NUP160: variants seen among roughly 807,000 people sequenced by gnomAD.
NUP160 encodes the protein nuclear pore complex protein Nup160.
In NUP160, 94 loss-of-function variants were observed where a neutral mutation model predicts 196.9. That is an observed-to-expected ratio of 0.48 (90% CI 0.40 to 0.57). NUP160 has a LOEUF of 0.57. Among genes scored for constraint, NUP160 ranks in the 20% least tolerant of loss-of-function variants. NUP160 has a pLI of 0.00. For synonymous variants in NUP160, 605 were observed against 619.7 expected (o/e 0.98, Z 0.35); for missense variants, 1,638 against 1,748.3 (o/e 0.94, Z 1.13).
At chr11:47,800,554 G>A (rs2097673644) in intron 23 of NUP160, among the ~76,000 whole-genome samples, 1 of 151,894 alleles carries the variant, frequency 6.6e-6, no homozygotes, top group Non-Finnish European at 1.5e-5. Context: ...CACCACGCCC[G>A]GCTAATTTTT....
intron 7 of NUP160, among the ~76,000 whole-genome samples, chr11:47,829,882 A>G (rs191999891): frequency 7.9e-4 from 121 of 152,338 alleles, no homozygotes; most frequent in Admixed American, 2.3e-3. Flanking sequence ...ATCTAATTAA[A>G]CTTAAAAGCT....
chr11:47,817,261 G>A (rs1851750151), intron 11 of NUP160, among the ~76,000 whole-genome samples: 1 of 151,824 alleles, frequency 6.6e-6, no homozygotes, highest in African/African-American at 2.4e-5. Flanking sequence ...TGGGATTACA[G>A]GTGTGAGTCA....
chr11:47,815,057 C>T (rs1261565310), intron 13 of NUP160: 1 of 152,234 alleles, frequency 6.6e-6, no homozygotes, highest in Non-Finnish European at 1.5e-5. Context: ...ATGATGAAAC[C>T]CCACCTCTAC....
intron 11 of NUP160, among the ~76,000 whole-genome samples, chr11:47,816,602 T>C (rs572298387): frequency 6.6e-6 from 1 of 151,908 alleles, no homozygotes; most frequent in Non-Finnish European, 1.5e-5. Context: ...TGGCAAAACC[T>C]TGTCTCTACT....
chr11:47,812,858 G>A, intron 15 of NUP160, 24 bp downstream of exon 15: 10 of 1,582,236 alleles, frequency 6.3e-6, no homozygotes, highest in Non-Finnish European at 7.7e-6. Context: ...ATTAGGAAAT[G>A]CACTTTACCC....
chr11:47,825,728 C>T (rs1243612993), intron 7 of NUP160, among the ~76,000 whole-genome samples: 2 of 152,124 alleles, frequency 1.3e-5, no homozygotes, highest in East Asian at 1.9e-4. Flanking sequence ...GTTGGGATTA[C>T]AGGCATGAGC....
intron 24 of NUP160, 53 bp from the exon 25 acceptor site, chr11:47,798,315 C>G (rs2097672062): frequency 6.5e-7 from 1 of 1,534,368 alleles, no homozygotes; most frequent in Admixed American, 1.7e-5. Flanking sequence ...AATGAACATA[C>G]CACACCCACA....
At chr11:47,781,817 G>A (rs1354841583) in intron 34 of NUP160, among the ~76,000 whole-genome samples, 3 of 152,080 alleles carry the variant, frequency 2.0e-5, no homozygotes, top group African/African-American at 2.4e-5. Flanking sequence ...CCTAACTAAT[G>A]CCATATTATT....
At position 47,793,737 on chromosome 11, in the gene NUP160, T is replaced by G. The variant is rs1440239322; in HGVS notation, c.3290-791A>C. ...TAAGATATCTGTTTTTTTTTTTTTT[T>G]TTTTTTTTTTTTTTTTTTTTGAGAC... On this transcript the variant is annotated intron_variant, in intron 27 of 35. Transcript: ENST00000378460. Among the ~76,000 whole-genome samples the G allele has an allele frequency of 3.6e-5, 5 of 137,714 alleles. 1 individual carries two copies. Among genetic ancestry groups the G allele is most frequent in the African/African-American group, 5.6e-5 (2 of 35,490 alleles). 90.3% of individuals were successfully genotyped at this position (137,714 alleles called of 152,430 possible).
intron 10 of NUP160, among the ~76,000 whole-genome samples, chr11:47,818,430 T>C (rs1335260166): frequency 6.6e-6 from 1 of 152,204 alleles, no homozygotes; most frequent in Non-Finnish European, 1.5e-5. Flanking sequence ...ATTGGTGATA[T>C]ACACTGGTAA....
intron 2 of NUP160, among the ~76,000 whole-genome samples, chr11:47,845,652 C>G (rs1852387489): frequency 6.6e-6 from 1 of 152,162 alleles, no homozygotes; most frequent in Admixed American, 6.6e-5. Context: ...CCTGCTATAT[C>G]CCTGTTCCCT....
At chr11:47,804,286 T>C (rs1436126085) in intron 21 of NUP160, 5 of 347,230 alleles carry the variant, frequency 1.4e-5, no homozygotes, top group African/African-American at 1.1e-4. Context: ...TTTATTACTT[T>C]CTTTAAAAGC....
At chr11:47,785,971 C>T (rs1368401262) in intron 32 of NUP160, among the ~76,000 whole-genome samples, 1 of 152,118 alleles carries the variant, frequency 6.6e-6, no homozygotes, top group Non-Finnish European at 1.5e-5. Flanking sequence ...TTTACGTGGA[C>T]ACAAAGTGGG....
chr11:47,823,400 A>G (rs1479668253), intron 7 of NUP160, among the ~76,000 whole-genome samples: 1 of 152,074 alleles, frequency 6.6e-6, no homozygotes, highest in Non-Finnish European at 1.5e-5. Context: ...CTTTGTCTCT[A>G]TAAATTTGAC....
chr11:47,841,524 G>A, intron 2 of NUP160: 1 of 420,520 alleles, frequency 2.4e-6, no homozygotes, highest in South Asian at 2.2e-5. Context: ...GCCACCACAT[G>A]GTCCAACATG....
At chr11:47,831,842 C>CAAAAAAAAAAAAAA (rs372159602) in intron 7 of NUP160, among the ~76,000 whole-genome samples, 10 of 66,666 alleles carry the variant, frequency 1.5e-4, no homozygotes, top group African/African-American at 6.4e-4. Flanking sequence ...GACTCTCTCT[C>CAAAAAAAAAAAAAA]AAAAAAAAAA....
chr11:47,807,673 A>G (rs1470572915), intron 18 of NUP160, among the ~76,000 whole-genome samples: 2 of 150,024 alleles, frequency 1.3e-5, no homozygotes, highest in African/African-American at 4.9e-5. Context: ...ATCTCCAAGA[A>G]AAAAAAAAAA....
chr11:47,807,160 GA>G lies in NUP160; in HGVS notation c.2376-21del. The G allele has an allele frequency of 6.6e-7, 1 of 1,518,704 alleles. No homozygotes were observed. Among genetic ancestry groups the G allele is most frequent in the Non-Finnish European group, 9.1e-7 (1 of 1,094,380 alleles). The allele number at this position is 1,518,704 out of a possible 1,614,324, so 94.1% of individuals were successfully genotyped here. On this transcript the variant is annotated intron_variant, in intron 18 of 35. Coordinates refer to ENST00000378460, the Ensembl canonical transcript of NUP160. ...GACTCCCTGTGAGAAAAGGGGAAAAGACAGCTTAGTAAATTCTCCTATGCTA... is the reference window on the plus strand; with the variant it reads ...GACTCCCTGTGAGAAAAGGGGAAAAGCAGCTTAGTAAATTCTCCTATGCTA...
At chr11:47,786,500 C>A (rs2097664609) in exon 32 of NUP160, 1 of 1,613,866 alleles carries the variant, frequency 6.2e-7, no homozygotes, top group Admixed American at 1.7e-5. Flanking sequence ...TGGCTGCTAG[C>A]CAGGCCCAGG....
Sources: allele counts gnomAD v4.1 joint callset (sites outside exome capture counted in the v4.1 genomes callset), GRCh38; gene constraint gnomAD v4.1.1; transcripts MANE v1.5; gene names NCBI Gene and HGNC (gene_info 2026-07-23, HGNC 2026-07-21).